LPP: variants seen among roughly 807,000 people sequenced by gnomAD.
LPP encodes the protein LIM domain containing preferred translocation partner in lipoma, also known as lipoma-preferred partner.
Under a neutral mutation model 60.4 loss-of-function variants are expected in LPP, and 38 were observed. That is an observed-to-expected ratio of 0.63 (90% CI 0.49 to 0.83). The LOEUF (loss-of-function observed/expected upper bound fraction) is 0.83, where lower values mean the gene tolerates loss of function less well. Among genes scored for constraint, LPP ranks in the 40% least tolerant of loss-of-function variants. LPP has a pLI of 0.00. For synonymous variants in LPP, 328 were observed against 290.8 expected, an observed-to-expected ratio of 1.13 and a Z score of -1.30; for missense variants, 902 against 783.6, an observed-to-expected ratio of 1.15 and a Z score of -1.80.
intron 6 of LPP, among the ~76,000 whole-genome samples, chr3:188,579,443 T>G (rs1835532296): frequency 6.6e-6 from 1 of 152,228 alleles, no homozygotes; most frequent in African/African-American, 2.4e-5. Flanking sequence ...ATTAAGGTCT[T>G]AACATGTTGA....
At chr3:188,525,212 GC>G (rs1280993417) in intron 6 of LPP, among the ~76,000 whole-genome samples, 1 of 152,018 alleles carries the variant, frequency 6.6e-6, no homozygotes, top group Admixed American at 6.6e-5. Context: ...TGATCTGCCT[GC>G]CTCAGCCTCC....
At chr3:188,579,229 G>A (rs1835470310) in intron 6 of LPP, among the ~76,000 whole-genome samples, 1 of 152,136 alleles carries the variant, frequency 6.6e-6, no homozygotes, top group Non-Finnish European at 1.5e-5. Context: ...TTTTACTAAG[G>A]GTGGGGAGAG....
chr3:188,609,530 A>G lies in LPP; in HGVS notation c.799A>G (p.Thr267Ala), dbSNP rs763951028. The G allele has an allele frequency of 1.9e-6, 3 of 1,614,038 alleles. No homozygotes were observed. Among genetic ancestry groups the G allele is most frequent in the Admixed American group, 3.3e-5 (2 of 59,996 alleles). The change falls in exon 7 of 12, where the codon ACA (threonine) becomes GCA (alanine). Residue 267 changes from threonine (T) to alanine (A), a missense_variant. Transcript: ENST00000617246. The surrounding 1 kb of genome is among the most constrained non-coding windows in gnomAD (Gnocchi z 6.9). ...CTCTGGGCAGTGTCCACCTCCTTCA[A>G]CACGGGGAGGCATGGATTATGCCTA... The part of the protein sequence containing the change: ...PVSGQCPPPS[T>A]RGGMDYAYIP...
chr3:188,661,567 T>A (rs1854579522), intron 7 of LPP, among the ~76,000 whole-genome samples: 1 of 152,228 alleles, frequency 6.6e-6, no homozygotes. Context: ...TATTTGCTTA[T>A]TTGCCATCTG....
chr3:188,455,223 A>G (rs1797462747), intron 4 of LPP, among the ~76,000 whole-genome samples: 2 of 152,166 alleles, frequency 1.3e-5, no homozygotes, highest in African/African-American at 4.8e-5. Flanking sequence ...TCTTAAGGCT[A>G]TTATTAATAG....
At chr3:188,320,830 A>C (rs1287698548) in intron 2 of LPP, among the ~76,000 whole-genome samples, 8 of 152,146 alleles carry the variant, frequency 5.3e-5, no homozygotes, top group Non-Finnish European at 4.4e-5. Context: ...TGGGAAGAGG[A>C]AGTATTGGTG....
chr3:188,716,414 C>G (rs115865922), intron 8 of LPP, among the ~76,000 whole-genome samples: 3,391 of 152,044 alleles, frequency 0.022, 120 homozygotes, highest in African/African-American at 0.077. Context: ...TGAATAGAAA[C>G]AGAACAAAAA....
chr3:188,746,603 T>G (rs1220909741), intron 8 of LPP: 6 of 473,242 alleles, frequency 1.3e-5, no homozygotes, highest in Non-Finnish European at 2.1e-5. Context: ...TAAAATCACA[T>G]AGCTGATGCA....
chr3:188,240,721 CT>C (rs2149456643), intron 2 of LPP, among the ~76,000 whole-genome samples: 1 of 152,278 alleles, frequency 6.6e-6, no homozygotes, highest in South Asian at 2.1e-4. Flanking sequence ...CTTTGGGATT[CT>C]TCCCTCAGAC....
At chr3:188,774,416 C>T (rs1286650953) in intron 9 of LPP, among the ~76,000 whole-genome samples, 1 of 110,362 alleles carries the variant, frequency 9.1e-6, no homozygotes, top group Non-Finnish European at 1.9e-5. Context: ...ACTATGAGCT[C>T]CTTAGGAGCA....
At chr3:188,874,054 G>A (rs74372117) in intron 11 of LPP, among the ~76,000 whole-genome samples, 28 of 151,568 alleles carry the variant, frequency 1.8e-4, no homozygotes, top group Non-Finnish European at 2.2e-4. Flanking sequence ...CTACATGGGA[G>A]CCAAGATGGG....
At chr3:188,821,968 T>C (rs1754094296) in intron 9 of LPP, among the ~76,000 whole-genome samples, 2 of 152,172 alleles carry the variant, frequency 1.3e-5, no homozygotes, top group Admixed American at 6.6e-5. Context: ...ATTTTGTCCA[T>C]AAGAATGAAA....
intron 5 of LPP, among the ~76,000 whole-genome samples, chr3:188,495,727 G>C (rs886241904): frequency 1.3e-5 from 2 of 152,082 alleles, no homozygotes; most frequent in African/African-American, 4.8e-5. Flanking sequence ...CATGGATTTG[G>C]TACGAAAGCC....
In LPP at chr3:188,764,421, T is replaced by C. The variant is rs534512674; in HGVS notation, c.1410+4139T>C. Among the ~76,000 whole-genome samples, 53 of 152,274 alleles carry C rather than the reference T, an allele frequency of 3.5e-4. 1 individual carries two copies. Among genetic ancestry groups the C allele is most frequent in the East Asian group, 7.7e-4 (4 of 5,182 alleles). On this transcript the variant is annotated intron_variant, in intron 9 of 11. Coordinates refer to ENST00000617246, the MANE Select transcript of LPP (RefSeq NM_001375462.1). The stretch of plus-strand genomic sequence containing the variant: ...AGAATTTTTATCATTGCTTTTTTTT[T>C]CCCCTTTAGTATAATGTGATACACT...
rs192853386 is a variant in LPP at position 188,231,234 on chromosome 3, T to A, written c.-67+5707T>A. Among the ~76,000 whole-genome samples the A allele has an allele frequency of 3.8e-3, 579 of 152,292 alleles. 1 individual carries two copies. The highest frequency in any genetic ancestry group is 8.1e-3 in the Admixed American group (124 of 15,306). On this transcript the variant is annotated intron_variant, in intron 2 of 11. Transcript: ENST00000617246. Reference sequence around the variant, plus strand: ...GTGAATATGAGCACAAGGTTATTAATACCAGGAGGTGGAGTTACACGGAAC... The same window carrying A: ...GTGAATATGAGCACAAGGTTATTAAAACCAGGAGGTGGAGTTACACGGAAC...
chr3:188,713,389 G>GAAAAAA (rs34959281), intron 8 of LPP, among the ~76,000 whole-genome samples: 1 of 144,574 alleles, frequency 6.9e-6, no homozygotes, highest in Non-Finnish European at 1.5e-5. Flanking sequence ...AATTCTGGAT[G>GAAAAAA]AAAAAAAAAA....
At chr3:188,270,057 C>A (rs1737184728) in intron 2 of LPP, among the ~76,000 whole-genome samples, 1 of 151,914 alleles carries the variant, frequency 6.6e-6, no homozygotes, top group Non-Finnish European at 1.5e-5. Flanking sequence ...CCAGAAAAAG[C>A]AAAACTAATC....
intron 2 of LPP, among the ~76,000 whole-genome samples, chr3:188,280,826 C>A (rs1741719912): frequency 6.6e-6 from 1 of 151,990 alleles, no homozygotes; most frequent in Admixed American, 6.6e-5. Flanking sequence ...AATCCAGAGT[C>A]CAGGTCATTG....
At chr3:188,510,192 G>A (rs1387760098) in intron 5 of LPP, among the ~76,000 whole-genome samples, 1 of 152,188 alleles carries the variant, frequency 6.6e-6, no homozygotes, top group African/African-American at 2.4e-5. Context: ...GACAAGAATA[G>A]TGAAGCTTGA....
Sources: allele counts gnomAD v4.1 joint callset (sites outside exome capture counted in the v4.1 genomes callset), GRCh38; gene constraint gnomAD v4.1.1; non-coding constraint Gnocchi (gnomAD v3.1); transcripts MANE v1.5; gene names NCBI Gene and HGNC (gene_info 2026-07-23, HGNC 2026-07-21).